Variants in CLVS1 observed in about 807,000 individuals in gnomAD.
CLVS1 encodes the protein clavesin-1.
CLVS1 carries 10 observed loss-of-function variants against 33.1 expected under a neutral mutation model. That is an observed-to-expected ratio of 0.30 (90% confidence interval 0.19 to 0.51). The LOEUF (loss-of-function observed/expected upper bound fraction) is 0.51, where lower values mean the gene tolerates loss of function less well. Among genes scored for constraint, CLVS1 ranks in the 20% least tolerant of loss-of-function variants. CLVS1 has a pLI of 0.97. For missense variants in CLVS1, 343 were observed against 433.4 expected, an observed-to-expected ratio of 0.79 and a Z score of 1.85; for synonymous variants, 163 against 166.1, an observed-to-expected ratio of 0.98 and a Z score of 0.14.
intron 3 of CLVS1, among the ~76,000 whole-genome samples, chr8:61,448,244 T>C (rs1241243672): frequency 6.6e-6 from 1 of 152,102 alleles, no homozygotes; most frequent in African/African-American, 2.4e-5. Flanking sequence ...TTCATACTGT[T>C]TGGTATTCAC....
chr8:61,032,192 C>G, the CLVS1 span, among the ~76,000 whole-genome samples: 1 of 152,150 alleles, frequency 6.6e-6, no homozygotes, highest in Non-Finnish European at 1.5e-5. Context: ...TGCTTCTATC[C>G]TGAGAGGAGA....
chr8:61,201,426 TCCAGTGTCTTTTTGA>T (rs1413264130), intron 2 of CLVS1, among the ~76,000 whole-genome samples: 1 of 151,982 alleles, frequency 6.6e-6, no homozygotes, highest in Non-Finnish European at 1.5e-5. Context: ...TGTCTACAAA[TCCAGTGTCTTTTTGA>T]TAAAAAACAA....
intron 1 of CLVS1, among the ~76,000 whole-genome samples, chr8:61,080,934 G>A (rs879107155): frequency 6.6e-6 from 1 of 152,174 alleles, no homozygotes; most frequent in East Asian, 1.9e-4. Flanking sequence ...TAAGAATTCA[G>A]CAACTGAGAA....
intron 2 of CLVS1, among the ~76,000 whole-genome samples, chr8:61,166,988 A>G (rs905385791): frequency 3.3e-5 from 5 of 150,000 alleles, no homozygotes; most frequent in Non-Finnish European, 7.4e-5. Flanking sequence ...AAATTTATTA[A>G]TTTATTTTAA....
chr8:61,207,360 T>TTGCAGTGGTGCATGGGCTCCAGGGGATG (rs1563445367), intron 2 of CLVS1, among the ~76,000 whole-genome samples: 1 of 32,790 alleles, frequency 3.0e-5, no homozygotes, highest in Non-Finnish European at 4.6e-5. Context: ...CTCCAGGGAT[T>TTGCAGTGGTGCATGGGCTCCAGGGGATG]TGCAGCGGTG....
At chr8:61,165,078 C>T (rs1232771168) in intron 2 of CLVS1, among the ~76,000 whole-genome samples, 7 of 152,214 alleles carry the variant, frequency 4.6e-5, no homozygotes, top group African/African-American at 1.7e-4. Context: ...AACCCAGTGA[C>T]TAGTGTTCAG....
At chr8:61,481,082 C>T (rs1423060561) in intron 5 of CLVS1, among the ~76,000 whole-genome samples, 2 of 152,132 alleles carry the variant, frequency 1.3e-5, no homozygotes, top group African/African-American at 4.8e-5. Context: ...GGACAGGCTT[C>T]ACACATAAGG....
intron 2 of CLVS1, among the ~76,000 whole-genome samples, chr8:61,213,814 G>A (rs922107547): frequency 7.9e-5 from 12 of 152,224 alleles, no homozygotes; most frequent in African/African-American, 2.7e-4. Context: ...CAGGGAATAA[G>A]AGAGATAACC....
chr8:61,422,932 C>T lies in CLVS1; in HGVS notation c.631-31209C>T, dbSNP rs570949004. Among the ~76,000 whole-genome samples, 69 of 152,128 alleles carry T rather than the reference C, an allele frequency of 4.5e-4. 1 individual carries two copies. Among genetic ancestry groups the T allele is most frequent in the Admixed American group, 1.8e-3 (28 of 15,296 alleles). The stretch of plus-strand genomic sequence containing the variant: ...AAAGAAAAGAGATAAGCCCCTTCCC[C>T]GGTGGACTGTGCTCCGGGTGGGAAA... On this transcript the variant is annotated intron_variant, in intron 3 of 5. Transcript: ENST00000325897.
At chr8:61,004,598 G>A in the CLVS1 span, among the ~76,000 whole-genome samples, 1 of 152,214 alleles carries the variant, frequency 6.6e-6, no homozygotes, top group East Asian at 1.9e-4. Context: ...CCCCAGGATG[G>A]AGGCTCTGCA....
intron 3 of CLVS1, among the ~76,000 whole-genome samples, chr8:61,402,740 G>A (rs1814819448): frequency 6.6e-6 from 1 of 152,108 alleles, no homozygotes; most frequent in African/African-American, 2.4e-5. Flanking sequence ...GTCTACTAAG[G>A]GAGTGGTGCA....
the CLVS1 span, among the ~76,000 whole-genome samples, chr8:61,028,911 ATTTTGTAAAACTCTC>A: frequency 6.6e-6 from 1 of 152,230 alleles, no homozygotes; most frequent in African/African-American, 2.4e-5. Context: ...CTACAAGGGC[ATTTTGTAAAACTCTC>A]TCATTTTGGA....
intron 3 of CLVS1, among the ~76,000 whole-genome samples, chr8:61,450,339 T>G (rs1816908535): frequency 6.6e-6 from 1 of 152,192 alleles, no homozygotes; most frequent in Non-Finnish European, 1.5e-5. Context: ...TTATCTAAGG[T>G]TTACAGGCTT....
the CLVS1 span, among the ~76,000 whole-genome samples, chr8:61,028,509 G>C: frequency 6.6e-6 from 1 of 152,296 alleles, no homozygotes; most frequent in African/African-American, 2.4e-5. Context: ...AAAGTATTGA[G>C]AGTAGTAGCA....
intron 3 of CLVS1, among the ~76,000 whole-genome samples, chr8:61,440,917 C>T (rs774375792): frequency 3.3e-5 from 5 of 152,154 alleles, no homozygotes; most frequent in Non-Finnish European, 5.9e-5. Flanking sequence ...TGAGTGCATT[C>T]TCTTCTCTCT....
At chr8:61,185,264 C>A (rs1807322048) in intron 2 of CLVS1, among the ~76,000 whole-genome samples, 1 of 150,958 alleles carries the variant, frequency 6.6e-6, no homozygotes, top group African/African-American at 2.4e-5. Context: ...ACCTCAACCT[C>A]TCAAGTAGCT....
intron 3 of CLVS1, among the ~76,000 whole-genome samples, chr8:61,394,707 C>G (rs991057776): frequency 6.6e-6 from 1 of 152,190 alleles, no homozygotes; most frequent in Non-Finnish European, 1.5e-5. Context: ...GAGTTTATGT[C>G]CAAGCAGCCA....
chr8:61,482,363 T>C (rs1436710721), intron 5 of CLVS1, among the ~76,000 whole-genome samples: 1 of 152,220 alleles, frequency 6.6e-6, no homozygotes, highest in Non-Finnish European at 1.5e-5. Context: ...CTTTGATGAG[T>C]TGAGAGAAGA....
chr8:61,306,904 A>G (rs574794345), intron 2 of CLVS1, among the ~76,000 whole-genome samples: 1 of 152,344 alleles, frequency 6.6e-6, no homozygotes, highest in East Asian at 1.9e-4. Context: ...GAGAACCCTT[A>G]GCGGTATGCA....
Sources: gnomAD v4.1 joint callset for allele counts (sites outside exome capture counted in the v4.1 genomes callset) on GRCh38, gnomAD v4.1.1 for gene constraint, MANE v1.5 for transcripts, NCBI Gene and HGNC (gene_info 2026-07-23, HGNC 2026-07-21) for gene names.